STX18: variants seen among roughly 807,000 people sequenced by gnomAD.
STX18 encodes syntaxin 18.
A neutral mutation model predicts 50.1 loss-of-function variants in STX18; 40 were observed. That is an observed-to-expected ratio of 0.80 (90% CI 0.62 to 1.04). The LOEUF (loss-of-function observed/expected upper bound fraction) is 1.04. Ranked by LOEUF, STX18 falls within the 50% of genes least tolerant of loss-of-function variation. The pLI is 0.00. For missense variants in STX18, 410 were observed against 415.8 expected, an observed-to-expected ratio of 0.99 and a Z score of 0.12; for synonymous variants, 158 against 151.8, an observed-to-expected ratio of 1.04 and a Z score of -0.30.
chr4:4,427,539 G>A (rs1023132450), intron 7 of STX18, among the ~76,000 whole-genome samples: 2 of 152,186 alleles, frequency 1.3e-5, no homozygotes, highest in East Asian at 1.9e-4. Flanking sequence ...CCTGGGTGGC[G>A]GCATTTTCTT....
Position 4,420,727 on chromosome 4 carries a change from G to C in STX18, c.912+137C>G, listed in dbSNP as rs757449682. Reference sequence around the variant, plus strand: ...GTCTCATGAACACACGCAGCTCCGCGGTCACACAATTTTGTGATCAGCCCC... The same window carrying C: ...GTCTCATGAACACACGCAGCTCCGCCGTCACACAATTTTGTGATCAGCCCC... On this transcript the variant is annotated intron_variant, in intron 10 of 10. Transcript: ENST00000306200. This position sits in a 1 kb window ranked among gnomAD's most constrained non-coding sequence, Gnocchi z 4.3. 3 of 762,248 alleles carry C rather than the reference G, an allele frequency of 3.9e-6. No homozygotes were observed. 47.2% of individuals were successfully genotyped at this position (762,248 alleles called of 1,614,324 possible).
chr4:4,527,192 T>A (rs1730810240), intron 1 of STX18, among the ~76,000 whole-genome samples: 1 of 152,140 alleles, frequency 6.6e-6, no homozygotes, highest in South Asian at 2.1e-4. Context: ...CAATCAACCA[T>A]CACATTCTAT....
At chr4:4,527,774 T>TTA (rs942487089) in intron 1 of STX18, among the ~76,000 whole-genome samples, 3 of 146,986 alleles carry the variant, frequency 2.0e-5, no homozygotes, top group African/African-American at 2.5e-5. Context: ...GAGAAAAAAA[T>TTA]TATATATATA....
intron 1 of STX18, among the ~76,000 whole-genome samples, chr4:4,495,570 T>C (rs1315451116): frequency 2.9e-5 from 3 of 102,464 alleles, no homozygotes; most frequent in South Asian, 4.3e-4. Flanking sequence ...TTTCTTTTTT[T>C]TTTTTTTTTT....
intron 1 of STX18, among the ~76,000 whole-genome samples, chr4:4,504,803 C>G (rs1031566990): frequency 6.6e-6 from 1 of 151,874 alleles, no homozygotes; most frequent in Non-Finnish European, 1.5e-5. Flanking sequence ...CTAAAAATAC[C>G]AAGTGTTGGT....
chr4:4,472,109 GT>G (rs1205411623), intron 1 of STX18, among the ~76,000 whole-genome samples: 1 of 152,180 alleles, frequency 6.6e-6, no homozygotes, highest in East Asian at 1.9e-4. Flanking sequence ...AAGCTGTTGC[GT>G]TTGTAAATAG....
intron 2 of STX18, among the ~76,000 whole-genome samples, chr4:4,461,022 A>G (rs1386550628): frequency 1.3e-5 from 2 of 152,244 alleles, no homozygotes; most frequent in Non-Finnish European, 2.9e-5. Flanking sequence ...GTACCAACTC[A>G]GTGAATATGT....
intron 5 of STX18, among the ~76,000 whole-genome samples, chr4:4,452,566 A>G (rs954859144): frequency 6.6e-6 from 1 of 152,178 alleles, no homozygotes; most frequent in Non-Finnish European, 1.5e-5. Context: ...GCATGGTGGC[A>G]CATGCCTGTA....
intron 1 of STX18, among the ~76,000 whole-genome samples, chr4:4,515,470 T>A (rs1730209692): frequency 6.6e-6 from 1 of 152,172 alleles, no homozygotes; most frequent in Admixed American, 6.6e-5. Flanking sequence ...TTCATGGTAA[T>A]TAATTCTCAC....
chr4:4,494,351 C>T (rs1185306969), intron 1 of STX18, among the ~76,000 whole-genome samples: 1 of 152,058 alleles, frequency 6.6e-6, no homozygotes, highest in Non-Finnish European at 1.5e-5. Context: ...GTCCAGCTCC[C>T]CAAATTCCCT....
At chr4:4,534,626 G>C (rs534732089) in intron 1 of STX18, among the ~76,000 whole-genome samples, 1 of 152,142 alleles carries the variant, frequency 6.6e-6, no homozygotes, top group Admixed American at 6.5e-5. Context: ...TCAACACTGC[G>C]GATTAGTTTA....
At chr4:4,529,873 A>G (rs1171286353) in intron 1 of STX18, among the ~76,000 whole-genome samples, 3 of 152,226 alleles carry the variant, frequency 2.0e-5, no homozygotes, top group Non-Finnish European at 2.9e-5. Context: ...AATAACAACC[A>G]GAAACTAAGA....
At chr4:4,434,908 A>T in intron 6 of STX18, 50 bp from the exon 7 acceptor site, 3 of 1,324,232 alleles carry the variant, frequency 2.3e-6, no homozygotes, top group Non-Finnish European at 3.2e-6. Flanking sequence ...GTTTTAGAAT[A>T]GGCTGGCTTA....
intron 1 of STX18, among the ~76,000 whole-genome samples, chr4:4,528,905 A>C (rs1396865370): frequency 6.6e-6 from 1 of 152,248 alleles, no homozygotes; most frequent in Admixed American, 6.5e-5. Flanking sequence ...TGAACAAATA[A>C]AATCAAAAAC....
At chr4:4,430,817 G>A (rs1032346610) in intron 7 of STX18, among the ~76,000 whole-genome samples, 4 of 152,136 alleles carry the variant, frequency 2.6e-5, no homozygotes, top group Non-Finnish European at 4.4e-5. Context: ...TGCATCCAGC[G>A]CTTGAGACAA....
At chr4:4,493,619 T>C (rs1577372374) in intron 1 of STX18, among the ~76,000 whole-genome samples, 1 of 152,238 alleles carries the variant, frequency 6.6e-6, no homozygotes, top group East Asian at 1.9e-4. Context: ...AAGTAAACAG[T>C]ACCTATCATG....
In STX18 at chr4:4,461,947, T is replaced by C. The variant is rs1222873976; in HGVS notation, c.237-2460A>G. The C allele has an allele frequency of 8.8e-6, 4 of 456,204 alleles. No homozygotes were observed. The East Asian group carries it at 2.8e-4, about 32-fold the overall frequency. 28.3% of individuals were successfully genotyped at this position (456,204 alleles called of 1,614,324 possible). Reference sequence around the variant, plus strand: ...TTCCGCTCTGTTCCTCTCTCTCCTATGTTGCAAAGGGGCCTGTCCCTGCTG... The same window carrying C: ...TTCCGCTCTGTTCCTCTCTCTCCTACGTTGCAAAGGGGCCTGTCCCTGCTG... On this transcript the variant is annotated intron_variant, in intron 2 of 10. Transcript: ENST00000306200.
rs534521951 is a variant in STX18, at chr4:4,539,621, A to G, written c.168+2176T>C. On this transcript the variant is annotated intron_variant, in intron 1 of 10. Coordinates refer to ENST00000306200, the MANE Select transcript of STX18 (RefSeq NM_016930.4). ...TTAAGGTGATGTGACACCTACTCAC[A>G]TCAATACATAGCAGAACTGCAAGTT... Among the ~76,000 whole-genome samples, 7 of 152,364 alleles carry G rather than the reference A, an allele frequency of 4.6e-5. No homozygotes were observed. In the South Asian group the frequency reaches 1.2e-3, roughly 27 times the overall value.
chr4:4,422,185 G>GC (rs1296914917), intron 9 of STX18, among the ~76,000 whole-genome samples: 1 of 152,284 alleles, frequency 6.6e-6, no homozygotes, highest in African/African-American at 2.4e-5. Flanking sequence ...AGTGACCACT[G>GC]CCAAGGTTCC....
Sources: allele counts gnomAD v4.1 joint callset (sites outside exome capture counted in the v4.1 genomes callset), GRCh38; gene constraint gnomAD v4.1.1; non-coding constraint Gnocchi (gnomAD v3.1); transcripts MANE v1.5; gene names NCBI Gene and HGNC (gene_info 2026-07-23, HGNC 2026-07-21).